MYOZ1: variants seen among roughly 807,000 people sequenced by gnomAD.
The protein encoded by MYOZ1 is myozenin-1.
In MYOZ1, 20 loss-of-function variants were observed where a neutral mutation model predicts 28.7. The ratio of observed to expected loss-of-function variants is 0.70; its 90% CI spans 0.49 to 1.01. MYOZ1 has a LOEUF of 1.01. Among genes scored for constraint, MYOZ1 ranks in the 50% least tolerant of loss-of-function variants. The pLI is 0.00. For synonymous variants in MYOZ1, 144 were observed against 145.8 expected (o/e 0.99, Z 0.09); for missense variants, 371 against 372.4 (o/e 1.00, Z 0.03).
rs778393682 is a variant in MYOZ1, at chr10:73,632,027, AAAG to A, written c.800_802del (p.Ser267del). ...CAGCCAGGGAATAGGGGTTCGATTGAAAGAAGGCCTGTTGGAGAGGTTTTGGTT... is the reference window on the plus strand; with the variant it reads ...CAGCCAGGGAATAGGGGTTCGATTGAAAGGCCTGTTGGAGAGGTTTTGGTT... On this transcript the variant is annotated inframe_deletion, in exon 6 of 6. Transcript: ENST00000359322. 3.7e-6 allele frequency: 6 copies of A among 1,614,016 alleles called. No homozygotes were observed. The East Asian group carries it at 1.3e-4, about 36-fold the overall frequency.
intron 4 of MYOZ1, 59 bp from the exon 5 acceptor site, chr10:73,634,124 G>A: frequency 6.9e-6 from 11 of 1,591,968 alleles, no homozygotes; most frequent in Non-Finnish European, 7.7e-6. Flanking sequence ...CCAATGAAAG[G>A]TAATCCCACG....
Position 73,631,615 on chromosome 10 carries a change from C to T in MYOZ1, c.*315G>A, listed in dbSNP as rs1589444491. ...ATTAGTCTCTGTGCATTGTTAGCCT[C>T]GGCTTTCATCTGCTCTCAAATATCA... On this transcript the variant is annotated 3_prime_UTR_variant, in exon 6 of 6. Transcript: ENST00000359322. 5.9e-6 allele frequency: 2 copies of T among 337,788 alleles called. No individual in the cohort carries two copies. The highest frequency in any genetic ancestry group is 1.1e-5 in the Non-Finnish European group (2 of 177,426). 20.9% of individuals were successfully genotyped at this position (337,788 alleles called of 1,614,324 possible). A position where few individuals can be genotyped will look rare whatever the true frequency, so the allele number is the denominator to read the frequency against.
rs762226238 is a variant in MYOZ1 at position 73,633,895 on chromosome 10, C to T, written c.668+5G>A. ...TGCATCTGGTTCCTTCCTCACCACCCCTACCTGTTGAAGGACTTATATTTG... is the reference window on the plus strand; with the variant it reads ...TGCATCTGGTTCCTTCCTCACCACCTCTACCTGTTGAAGGACTTATATTTG... On this transcript the variant is annotated splice_donor_5th_base_variant and intron_variant, in intron 5 of 5. Transcript: ENST00000359322. 6.2e-7 allele frequency: 1 copy of T among 1,603,914 alleles called. No individual in the cohort carries two copies.
rs369679725 is a variant in MYOZ1 at position 73,633,974 on chromosome 10, T to C, written c.594A>G (p.Gln198=). The C allele has an allele frequency of 2.1e-5, 34 of 1,613,960 alleles. No individual in the cohort carries two copies. The highest frequency in any genetic ancestry group is 2.7e-5 in the Non-Finnish European group (32 of 1,179,974). The change falls in exon 5 of 6, where the codon CAA becomes CAG. Residue 198 remains glutamine (Q), a synonymous_variant. Coordinates refer to ENST00000359322, the MANE Select transcript of MYOZ1 (RefSeq NM_021245.4). ...WERAMGVDPQ[Q]KMELGIDLLA... is the part of the protein sequence containing the mutation. ...GCAGGTCAATGCCAAGTTCCATTTT[T>C]TGCTGGGGGTCAACCCCCATGGCTC...
chr10:73,634,393 T>A (rs1812154903), intron 4 of MYOZ1, 91 bp downstream of exon 4: 2 of 1,470,900 alleles, frequency 1.4e-6, no homozygotes, highest in Non-Finnish European at 1.8e-6. Context: ...TAAACTGACC[T>A]CCTCTGCTCC....
At chr10:73,633,577 CA>C (rs1340257729) in intron 5 of MYOZ1, among the ~76,000 whole-genome samples, 1 of 151,194 alleles carries the variant, frequency 6.6e-6, no homozygotes, top group African/African-American at 2.4e-5. Context: ...AAAAAGGAAG[CA>C]AAAAAAAGAC....
chr10:73,632,732 C>T lies in MYOZ1; in HGVS notation c.669-571G>A, dbSNP rs2177842. ...CCAGGAGGTGGAGGTTGCAGTGAGC[C>T]GAGACTGCACCACTGCACTTCAGCC... On this transcript the variant is annotated intron_variant, in intron 5 of 5. Transcript: ENST00000359322. Among the ~76,000 whole-genome samples the T allele has an allele frequency of 5.6e-3, 818 of 146,848 alleles. 30 individuals are homozygous for T. Among genetic ancestry groups the T allele is most frequent in the Admixed American group, 0.049 (722 of 14,716 alleles).
intron 3 of MYOZ1, among the ~76,000 whole-genome samples, chr10:73,635,458 T>C (rs2132406285): frequency 6.6e-6 from 1 of 152,122 alleles, no homozygotes; most frequent in Middle Eastern, 3.4e-3. Flanking sequence ...CTCGGCTCAC[T>C]GCAACCTCCA....
intron 5 of MYOZ1, among the ~76,000 whole-genome samples, chr10:73,633,693 C>T (rs2081649430): frequency 6.6e-6 from 1 of 152,212 alleles, no homozygotes; most frequent in African/African-American, 2.4e-5. Flanking sequence ...GAATTCAAAT[C>T]CTGCCTCCCA....
chr10:73,634,333 G>T lies in MYOZ1; in HGVS notation c.502+151C>A, dbSNP rs904498208. ...CTCCTGGACCCAGGTAATTCACCAA[G>T]ATATTTATGATATTTAAACTGATAT... is the stretch of plus-strand genomic sequence containing the variant. On this transcript the variant is annotated intron_variant, in intron 4 of 5. Coordinates refer to ENST00000359322, the MANE Select transcript of MYOZ1 (RefSeq NM_021245.4). 5.9e-6 allele frequency: 6 copies of T among 1,012,464 alleles called. No homozygotes were observed. The Admixed American group carries it at 1.3e-4, about 22-fold the overall frequency. 62.7% of individuals were successfully genotyped at this position (1,012,464 alleles called of 1,614,324 possible).
intron 1 of MYOZ1, among the ~76,000 whole-genome samples, chr10:73,640,763 C>T (rs1171678947): frequency 2.0e-5 from 3 of 152,190 alleles, no homozygotes; most frequent in East Asian, 3.8e-4. Flanking sequence ...AGTCTTCCCC[C>T]AGTCCCCAGG....
At chr10:73,640,072 A>T in intron 1 of MYOZ1, 37 bp from the exon 2 acceptor site, 2 of 1,543,112 alleles carry the variant, frequency 1.3e-6, no homozygotes, top group Non-Finnish European at 1.8e-6. Flanking sequence ...GTGGATGGAC[A>T]GGGACTGGGA....
At position 73,634,761 on chromosome 10, in the gene MYOZ1, GT is replaced by G. The variant is rs1157974216; in HGVS notation, c.253-29del. On this transcript the variant is annotated intron_variant, in intron 3 of 5. Coordinates refer to ENST00000359322, the MANE Select transcript of MYOZ1 (RefSeq NM_021245.4). ...GAAAAGAAGACAAAGTGAGGGGAAG[GT>G]TAGCAATGGGTATGGAAAATATACA... 3 of 1,604,018 alleles carry G rather than the reference GT, an allele frequency of 1.9e-6. No individual in the cohort carries two copies. The South Asian group carries it at 3.3e-5, about 18-fold the overall frequency.
chr10:73,632,286 CCTTCTT>C (rs913606652), intron 5 of MYOZ1, 125 bp from the exon 6 acceptor site: 1 of 816,142 alleles, frequency 1.2e-6, no homozygotes, highest in African/African-American at 1.7e-5. Context: ...CATCTGTACT[CCTTCTT>C]CTTCCTTAGC....
intron 2 of MYOZ1, among the ~76,000 whole-genome samples, chr10:73,638,292 CAT>C (rs56801610): frequency 0.2 from 28,834 of 142,858 alleles, 4,354 homozygotes; most frequent in African/African-American, 0.42. Flanking sequence ...ATACAGATGC[CAT>C]ATATATATAT....
intron 5 of MYOZ1, among the ~76,000 whole-genome samples, chr10:73,632,644 C>T (rs945033276): frequency 3.3e-5 from 5 of 150,502 alleles, no homozygotes; most frequent in African/African-American, 1.2e-4. Context: ...ATTAGCTGGG[C>T]ATGGTGGCGC....
At chr10:73,639,761 G>T (rs561519550) in intron 2 of MYOZ1, among the ~76,000 whole-genome samples, 184 bp downstream of exon 2, 2 of 152,258 alleles carry the variant, frequency 1.3e-5, no homozygotes, top group South Asian at 4.1e-4. Context: ...AAGGGTAGAA[G>T]GTGTTGAATC....
At chr10:73,639,013 T>C (rs2132408882) in intron 2 of MYOZ1, among the ~76,000 whole-genome samples, 1 of 146,370 alleles carries the variant, frequency 6.8e-6, no homozygotes, top group South Asian at 2.2e-4. Context: ...CATTATGTTG[T>C]CCAGGCTGGT....
In MYOZ1 at chr10:73,631,651, G is replaced by T. The variant is rs146915737; in HGVS notation, c.*279C>A. ...TGCTCTCAAATATCAAAGGAAGAAT[G>T]AGTTCATTTTCCTTGAAGTTTATTG... is the stretch of plus-strand genomic sequence containing the variant. On this transcript the variant is annotated 3_prime_UTR_variant, in exon 6 of 6. Transcript: ENST00000359322. 8.4e-4 allele frequency: 338 copies of T among 404,420 alleles called. 2 individuals carry two copies. Among genetic ancestry groups the T allele is most frequent in the African/African-American group, 6.4e-3 (317 of 49,894 alleles). The allele number at this position is 404,420 out of a possible 1,614,324, so 25.1% of individuals were successfully genotyped here.
Sources: gnomAD v4.1 joint callset for allele counts (sites outside exome capture counted in the v4.1 genomes callset) on GRCh38, gnomAD v4.1.1 for gene constraint, MANE v1.5 for transcripts, NCBI Gene and HGNC (gene_info 2026-07-23, HGNC 2026-07-21) for gene names.